Variants in NCOA1 observed in about 807,000 individuals in gnomAD.
NCOA1 encodes nuclear receptor coactivator 1, also known as Hin-2 protein.
A neutral mutation model predicts 150.9 loss-of-function variants in NCOA1; 35 were observed. The observed-to-expected ratio is 0.23, with a 90% CI of 0.18 to 0.31. The LOEUF is 0.31. Among genes scored for constraint, NCOA1 ranks in the 10% least tolerant of loss-of-function variants. NCOA1 has a pLI of 1.00. For synonymous variants in NCOA1, 590 were observed against 630.0 expected (o/e 0.94, Z 0.95); for missense variants, 1,491 against 1,749.3 (o/e 0.85, Z 2.63).
At chr2:24,511,561 T>A (rs942236975) in intron 1 of NCOA1, among the ~76,000 whole-genome samples, 2 of 152,252 alleles carry the variant, frequency 1.3e-5, no homozygotes, top group African/African-American at 4.8e-5. Flanking sequence ...TTTTGCTTAT[T>A]TTAAAATTGT....
intron 3 of NCOA1, among the ~76,000 whole-genome samples, chr2:24,615,507 G>A (rs1313554626): frequency 6.6e-6 from 1 of 152,184 alleles, no homozygotes; most frequent in Admixed American, 6.5e-5. Flanking sequence ...CTTCTCTGCA[G>A]GAGATTGTAG....
intron 7 of NCOA1, among the ~76,000 whole-genome samples, chr2:24,675,437 AG>A (rs1341401182): frequency 6.6e-6 from 1 of 152,230 alleles, no homozygotes; most frequent in African/African-American, 2.4e-5. Context: ...TGCTATGTTT[AG>A]CTTTTTGTAA....
chr2:24,754,280 G>A lies in NCOA1; in HGVS notation c.3881+2124G>A, dbSNP rs146564913. 9.5e-4 allele frequency among the ~76,000 whole-genome samples: 145 copies of A among 152,106 alleles called. 1 individual carries two copies. Among genetic ancestry groups the A allele is most frequent in the African/African-American group, 3.4e-3 (139 of 41,492 alleles). ...GAGGCAGAGTATGTCCGTCCTTTAC[G>A]CACAACTCATCCAGTAGCTCCCCAT... On this transcript the variant is annotated intron_variant, in intron 20 of 22. Transcript: ENST00000348332.
chr2:24,599,070 T>C (rs923368592), intron 3 of NCOA1, among the ~76,000 whole-genome samples: 1 of 152,160 alleles, frequency 6.6e-6, no homozygotes, highest in Non-Finnish European at 1.5e-5. Context: ...CAGAACTTTG[T>C]GATTTAATGT....
chr2:24,765,896 C>CTTTTTT (rs773857143), intron 22 of NCOA1, among the ~76,000 whole-genome samples: 2 of 128,036 alleles, frequency 1.6e-5, no homozygotes, highest in African/African-American at 2.9e-5. Flanking sequence ...CAATAATACA[C>CTTTTTT]TTTTTTTTTT....
intron 3 of NCOA1, among the ~76,000 whole-genome samples, chr2:24,639,052 G>A (rs183004451): frequency 3.3e-5 from 5 of 151,744 alleles, no homozygotes; most frequent in African/African-American, 4.8e-5. Flanking sequence ...TTTCTTTTCC[G>A]TTAATATCTT....
intron 1 of NCOA1, among the ~76,000 whole-genome samples, chr2:24,546,963 A>G (rs1156481251): frequency 6.6e-6 from 1 of 152,164 alleles, no homozygotes; most frequent in African/African-American, 2.4e-5. Flanking sequence ...TCAGAATGTC[A>G]CTTTGACCAC....
At chr2:24,688,632 A>T (rs527673271) in intron 8 of NCOA1, among the ~76,000 whole-genome samples, 2 of 152,196 alleles carry the variant, frequency 1.3e-5, no homozygotes, top group East Asian at 1.9e-4. Flanking sequence ...TAAGTTCCTT[A>T]TGAATACTGG....
chr2:24,575,834 A>G (rs1387629058), intron 2 of NCOA1, among the ~76,000 whole-genome samples: 1 of 152,054 alleles, frequency 6.6e-6, no homozygotes. Flanking sequence ...GGGCCTCCCA[A>G]AGTGCTGGGA....
intron 1 of NCOA1, among the ~76,000 whole-genome samples, chr2:24,507,052 A>G (rs917029161): frequency 1.3e-5 from 2 of 152,228 alleles, no homozygotes; most frequent in Non-Finnish European, 2.9e-5. Context: ...TGTTGTTACT[A>G]CTATTACAGT....
chr2:24,684,153 T>C (rs1672298219), intron 8 of NCOA1, among the ~76,000 whole-genome samples: 1 of 152,198 alleles, frequency 6.6e-6, no homozygotes, highest in South Asian at 2.1e-4. Context: ...TAATTAAGAT[T>C]TCTTTCCTTG....
intron 1 of NCOA1, among the ~76,000 whole-genome samples, chr2:24,497,255 T>TA (rs1475646997): frequency 6.6e-6 from 1 of 152,174 alleles, no homozygotes; most frequent in Admixed American, 6.5e-5. Flanking sequence ...GGCCACATTA[T>TA]ACTTTTTTTT....
chr2:24,720,128 A>T (rs1674283444), intron 14 of NCOA1, among the ~76,000 whole-genome samples: 1 of 152,224 alleles, frequency 6.6e-6, no homozygotes, highest in Non-Finnish European at 1.5e-5. Context: ...GAAGTCAGTA[A>T]ATCTAAAATG....
At chr2:24,711,969 G>A (rs939151138) in intron 14 of NCOA1, among the ~76,000 whole-genome samples, 9 of 152,192 alleles carry the variant, frequency 5.9e-5, no homozygotes, top group East Asian at 1.9e-4. Flanking sequence ...AGTTATTTCA[G>A]TCCAACTGGA....
chr2:24,717,192 G>A (rs548042814), intron 14 of NCOA1, among the ~76,000 whole-genome samples: 1 of 152,302 alleles, frequency 6.6e-6, no homozygotes, highest in South Asian at 2.1e-4. Flanking sequence ...AAGACATTTT[G>A]GCAGTTTCTT....
intron 1 of NCOA1, among the ~76,000 whole-genome samples, chr2:24,505,529 C>T (rs967210518): frequency 1.3e-5 from 2 of 152,140 alleles, no homozygotes. Flanking sequence ...TACATGATGA[C>T]ATTTTAATAA....
intron 7 of NCOA1, among the ~76,000 whole-genome samples, chr2:24,680,203 A>G (rs926413431): frequency 8.5e-5 from 13 of 152,072 alleles, no homozygotes; most frequent in Non-Finnish European, 1.8e-4. Flanking sequence ...TGGTAGTTCT[A>G]TTTTTAATTT....
chr2:24,723,789 A>G (rs1199619113), intron 14 of NCOA1, among the ~76,000 whole-genome samples: 1 of 152,132 alleles, frequency 6.6e-6, no homozygotes, highest in Non-Finnish European at 1.5e-5. Context: ...CTTTGTCTAC[A>G]TCATGTTTTG....
chr2:24,698,310 G>C (rs1035661737), intron 11 of NCOA1, among the ~76,000 whole-genome samples: 6 of 152,038 alleles, frequency 3.9e-5, no homozygotes, highest in Non-Finnish European at 8.8e-5. Context: ...AGCAGAACAA[G>C]CATGTCAAAG....
Sources: allele counts gnomAD v4.1 joint callset (sites outside exome capture counted in the v4.1 genomes callset), GRCh38; gene constraint gnomAD v4.1.1; transcripts MANE v1.5; gene names NCBI Gene and HGNC (gene_info 2026-07-23, HGNC 2026-07-21).